Variants in MAPK12 observed in about 807,000 individuals in gnomAD.
MAPK12 encodes MAP kinase 12.
A neutral mutation model predicts 49.1 loss-of-function variants in MAPK12; 49 were observed. That is an observed-to-expected ratio of 1.00 (90% CI 0.79 to 1.27). The LOEUF is 1.27. Ranked by LOEUF, MAPK12 falls within the 50% of genes most tolerant of loss-of-function variation. The pLI is 0.00. For missense variants in MAPK12, 554 were observed against 502.4 expected (o/e 1.10, Z -0.98); for synonymous variants, 251 against 209.7 (o/e 1.20, Z -1.70).
chr22:50,256,441 G>A (rs770623326), intron 6 of MAPK12, among the ~76,000 whole-genome samples, 158 bp downstream of exon 6: 1 of 152,216 alleles, frequency 6.6e-6, no homozygotes, highest in Non-Finnish European at 1.5e-5. Context: ...GGCATGTTGT[G>A]TACCACTGCC....
chr22:50,258,921 C>T (rs1386548986), intron 2 of MAPK12, among the ~76,000 whole-genome samples: 4 of 152,118 alleles, frequency 2.6e-5, no homozygotes, highest in Non-Finnish European at 4.4e-5. Context: ...ACAGAGTGGC[C>T]GAGGCAGGAG....
In MAPK12 at chr22:50,261,598, C is replaced by T. The variant is rs1278380667; in HGVS notation, c.-89G>A. 2 of 996,308 alleles carry T rather than the reference C, an allele frequency of 2.0e-6. No homozygotes were observed. The highest frequency in any genetic ancestry group is 1.8e-5 in the African/African-American group (1 of 55,144). 61.7% of individuals were successfully genotyped at this position (996,308 alleles called of 1,614,324 possible). A position where few individuals can be genotyped will look rare whatever the true frequency, so the allele number is the denominator to read the frequency against. On this transcript the variant is annotated 5_prime_UTR_variant, in exon 1 of 12. Coordinates refer to ENST00000215659, the MANE Select transcript of MAPK12 (RefSeq NM_002969.6). ...GGCTCCCTCGGCGCGCGCCTCGGGCCGGCTCCGCGCCGCTCGTCCGCTCGC... is the reference window on the plus strand; with the variant it reads ...GGCTCCCTCGGCGCGCGCCTCGGGCTGGCTCCGCGCCGCTCGTCCGCTCGC...
chr22:50,255,660 C>T lies in MAPK12; in HGVS notation c.726G>A (p.Thr242=), dbSNP rs763911823. 9 of 1,610,992 alleles carry T rather than the reference C, an allele frequency of 5.6e-6. No individual in the cohort carries two copies. The highest frequency in any genetic ancestry group is 2.7e-5 in the African/African-American group (2 of 74,912). The part of the protein sequence containing the change: ...LDQLKEIMKV[T]GTPPAEFVQR... ...GCACAAACTCAGCCGGAGGCGTCCC[C>T]GTCACCTTCATGATCTCCTTCAGCT... The change falls in exon 9 of 12, where the codon ACG becomes ACA. Residue 242 remains threonine (T), a synonymous_variant. Coordinates refer to ENST00000215659, the MANE Select transcript of MAPK12 (RefSeq NM_002969.6).
At position 50,255,899 on chromosome 22, in the gene MAPK12, G is replaced by A. The variant is rs903806137; in HGVS notation, c.620-18C>T. 1.2e-6 allele frequency: 2 copies of A among 1,609,220 alleles called. No homozygotes were observed. The highest frequency in any genetic ancestry group is 1.1e-5 in the South Asian group (1 of 90,752). On this transcript the variant is annotated intron_variant, in intron 7 of 11. Transcript: ENST00000215659. ...GATGTCCACTGAGATAGAAGCCCTGGTCAGCTCCGTGGGCAGGGGGACAGG... is the reference window on the plus strand; with the variant it reads ...GATGTCCACTGAGATAGAAGCCCTGATCAGCTCCGTGGGCAGGGGGACAGG...
At chr22:50,255,086 A>T (rs778470793) in intron 11 of MAPK12, 111 bp downstream of exon 11, 1 of 1,526,900 alleles carries the variant, frequency 6.5e-7, no homozygotes, top group Non-Finnish European at 8.8e-7. Context: ...CCCCCAACTC[A>T]CGGGTCCACA....
intron 11 of MAPK12, 21 bp from the exon 12 acceptor site, chr22:50,253,501 G>GGGGGGC: frequency 2.8e-6 from 1 of 354,170 alleles, no homozygotes; most frequent in Non-Finnish European, 5.6e-6. Flanking sequence ...TGGGGGGGCG[G>GGGGGGC]GCACAACAGA....
intron 11 of MAPK12, 22 bp from the exon 12 acceptor site, chr22:50,253,502 G>GGGGGGGGGGGCCCCCCCCCC: frequency 5.8e-6 from 1 of 171,648 alleles, no homozygotes; most frequent in Non-Finnish European, 1.1e-5. Flanking sequence ...GGGGGGGCGG[G>GGGGGGGGGGGCCCCCCCCCC]CACAACAGAG....
intron 3 of MAPK12, chr22:50,257,905 G>A (rs369648044): frequency 9.4e-5 from 73 of 773,084 alleles, no homozygotes; most frequent in Admixed American, 9.1e-4. Flanking sequence ...TCCAGTTACC[G>A]GCCACACACT....
intron 2 of MAPK12, among the ~76,000 whole-genome samples, chr22:50,260,492 G>A (rs868318848): frequency 6.6e-6 from 1 of 152,106 alleles, no homozygotes; most frequent in Non-Finnish European, 1.5e-5. Flanking sequence ...GCCAGCCACC[G>A]CCATGGGAGA....
chr22:50,256,864 C>G, intron 5 of MAPK12, 71 bp downstream of exon 5: 1 of 1,573,104 alleles, frequency 6.4e-7, no homozygotes, highest in South Asian at 1.2e-5. Context: ...CACATCCTCA[C>G]AGGTGGGACG....
intron 11 of MAPK12, 22 bp from the exon 12 acceptor site, chr22:50,253,502 G>GGGGGGGGGGGGGCC: frequency 1.2e-5 from 2 of 171,686 alleles, no homozygotes; most frequent in East Asian, 1.5e-4. Context: ...GGGGGGGCGG[G>GGGGGGGGGGGGGCC]CACAACAGAG....
chr22:50,258,346 CTGG>C (rs1555913709), intron 2 of MAPK12, 45 bp from the exon 3 acceptor site: 8 of 1,546,588 alleles, frequency 5.2e-6, no homozygotes, highest in African/African-American at 1.4e-5. Context: ...AGGACACGGG[CTGG>C]GGCACCCCCC....
At chr22:50,256,496 C>G in intron 6 of MAPK12, 103 bp downstream of exon 6, 1 of 1,453,356 alleles carries the variant, frequency 6.9e-7, no homozygotes, top group South Asian at 1.3e-5. Context: ...CTGCCCAGAG[C>G]CTGGGACCTT....
In MAPK12 at chr22:50,261,640, C is replaced by T; in HGVS notation, c.-131G>A. 2.1e-6 allele frequency: 2 copies of T among 953,140 alleles called. No homozygotes were observed. The highest frequency in any genetic ancestry group is 2.5e-6 in the Non-Finnish European group (2 of 799,020). The allele number at this position is 953,140 out of a possible 1,614,324, so 59.0% of individuals were successfully genotyped here. A position where few individuals can be genotyped will look rare whatever the true frequency, so the allele number is the denominator to read the frequency against. ...TCCGCTCGCCCGCCCGCCCGCCGGCCGCTGGGGCGCTCCCGCTCCCGGCCC... is the reference window on the plus strand; with the variant it reads ...TCCGCTCGCCCGCCCGCCCGCCGGCTGCTGGGGCGCTCCCGCTCCCGGCCC... On this transcript the variant is annotated 5_prime_UTR_variant, in exon 1 of 12. Coordinates refer to ENST00000215659, the MANE Select transcript of MAPK12 (RefSeq NM_002969.6).
At chr22:50,259,773 A>G (rs541329968) in intron 2 of MAPK12, among the ~76,000 whole-genome samples, 54 of 152,048 alleles carry the variant, frequency 3.6e-4, no homozygotes, top group Middle Eastern at 3.4e-3. Flanking sequence ...AATCCCAGCT[A>G]CTGAGGAGGC....
Position 50,261,232 on chromosome 22 carries a change from A to T in MAPK12, c.190T>A (p.Ser64Thr). 1 of 1,585,688 alleles carries T rather than the reference A, an allele frequency of 6.3e-7. No individual in the cohort carries two copies. Among genetic ancestry groups the T allele is most frequent in the South Asian group, 1.1e-5 (1 of 87,214 alleles). The change falls in exon 2 of 12, where the codon TCC becomes ACC. Residue 64 changes from serine (S) to threonine (T), a missense_variant. Coordinates refer to ENST00000215659, the MANE Select transcript of MAPK12 (RefSeq NM_002969.6). Reference sequence around the variant, plus strand: ...TAGGCGCGCTTGGCGAACAGCTCGGACTGGAAAGGCCGATACAGCTTCTTG... The same window carrying T: ...TAGGCGCGCTTGGCGAACAGCTCGGTCTGGAAAGGCCGATACAGCTTCTTG... ...AIKKLYRPFQ[S>T]ELFAKRAYRE...
chr22:50,254,729 C>T (rs13433665), intron 11 of MAPK12: 36,565 of 1,072,050 alleles, frequency 0.034, 874 homozygotes, highest in Admixed American at 0.12. Flanking sequence ...GACAAGCGGA[C>T]GTGGTGAGGG....
In MAPK12 at chr22:50,256,914, G is replaced by A. The variant is rs546735099; in HGVS notation, c.456+21C>T. The A allele has an allele frequency of 2.4e-5, 38 of 1,603,596 alleles. No individual in the cohort carries two copies. In the South Asian group the frequency reaches 3.1e-4, roughly 13 times the overall value. ...TTGCACTGGGGGAGGGCTGATGAGC[G>A]GCTTCTCCACCGGGACTCACTCTGT... On this transcript the variant is annotated intron_variant, in intron 5 of 11. Coordinates refer to ENST00000215659, the MANE Select transcript of MAPK12 (RefSeq NM_002969.6).
At chr22:50,257,470 G>T in intron 3 of MAPK12, 1 of 551,632 alleles carries the variant, frequency 1.8e-6, no homozygotes, top group South Asian at 2.1e-5. Context: ...TGGGGTTTTT[G>T]AACCCTCCGC....
Sources: gnomAD v4.1 joint callset for allele counts (sites outside exome capture counted in the v4.1 genomes callset) on GRCh38, gnomAD v4.1.1 for gene constraint, MANE v1.5 for transcripts, NCBI Gene and HGNC (gene_info 2026-07-23, HGNC 2026-07-21) for gene names.